Variants in RAN observed in about 807,000 individuals in gnomAD.
The protein encoded by RAN is RAN, member RAS oncogene family.
In RAN, 2 loss-of-function variants were observed where a neutral mutation model predicts 26.8. That is an observed-to-expected ratio of 0.07 (90% CI 0.03 to 0.23). The LOEUF is 0.23. Among genes scored for constraint, RAN ranks in the 10% least tolerant of loss-of-function variants. The probability of loss-of-function intolerance (pLI) is 1.00; values close to 1 mark genes in which losing one functional copy is unlikely to be tolerated. For missense variants in RAN, 56 were observed against 264.8 expected, an observed-to-expected ratio of 0.21 and a Z score of 5.47; for synonymous variants, 132 against 95.9, an observed-to-expected ratio of 1.38 and a Z score of -2.20.
In RAN at chr12:130,875,802, G is replaced by C. The variant is rs1256614132; in HGVS notation, c.606+20G>C. On this transcript the variant is annotated intron_variant, in intron 6 of 6. Coordinates refer to ENST00000543796, the MANE Select transcript of RAN (RefSeq NM_006325.5). ...TTAGAGGTATTGTGGCCACTTTGCT[G>C]TTCAGATTGTTCGGTTTGGCTTGTT... 1 of 1,613,970 alleles carries C rather than the reference G, an allele frequency of 6.2e-7. No homozygotes were observed. Among genetic ancestry groups the C allele is most frequent in the Admixed American group, 1.7e-5 (1 of 60,012 alleles).
At chr12:130,873,858 A>G (rs1427997823) in intron 4 of RAN, 1 of 175,866 alleles carries the variant, frequency 5.7e-6, no homozygotes, top group African/African-American at 2.4e-5. Flanking sequence ...TATAGGCTTT[A>G]TCTGGGTTAT....
chr12:130,874,772 C>A (rs376857929), intron 5 of RAN, 39 bp downstream of exon 5: 2 of 1,518,454 alleles, frequency 1.3e-6, no homozygotes, highest in South Asian at 2.3e-5. Context: ...TTTCTCTTAG[C>A]GGAGATTATA....
Position 130,875,689 on chromosome 12 carries a change from C to T in RAN, c.513C>T (p.Asp171=), listed in dbSNP as rs759829644. The T allele has an allele frequency of 1.9e-6, 3 of 1,613,814 alleles. No individual in the cohort carries two copies. Among genetic ancestry groups the T allele is most frequent in the East Asian group, 2.2e-5 (1 of 44,902 alleles). Residue 171 remains aspartate (D), a synonymous_variant, in exon 6 of 7, where the codon GAC becomes GAT. Coordinates refer to ENST00000543796, the MANE Select transcript of RAN (RefSeq NM_006325.5). The stretch of plus-strand genomic sequence containing the variant: ...GGCTTGCTAGGAAGCTCATTGGAGA[C>T]CCTAACTTGGAATTTGTTGCCATGC... ...FLWLARKLIG[D]PNLEFVAMPA...
At chr12:130,874,840 C>A in intron 5 of RAN, 107 bp downstream of exon 5, 1 of 993,878 alleles carries the variant, frequency 1.0e-6, no homozygotes, top group Non-Finnish European at 1.4e-6. Context: ...TTTTTTTCCC[C>A]AAGACGGAGT....
chr12:130,872,488 G>C, intron 1 of RAN, 96 bp from the exon 2 acceptor site: 1 of 934,618 alleles, frequency 1.1e-6, no homozygotes, highest in Non-Finnish European at 1.4e-6. Context: ...GGAGGCCTTT[G>C]TGGGGCGGGC....
In RAN at chr12:130,877,348, T is replaced by A. The variant is rs1478667997; in HGVS notation, c.*1422T>A. On this transcript the variant is annotated 3_prime_UTR_variant, in exon 7 of 7. Coordinates refer to ENST00000543796, the MANE Select transcript of RAN (RefSeq NM_006325.5). ...CTGAATAAAGTTCTACTTACTGTAT[T>A]AACTGGCAACAGTTGAGTTTCTTAA... The A allele has an allele frequency of 6.6e-6, 1 of 152,258 alleles. No individual in the cohort carries two copies. The highest frequency in any genetic ancestry group is 1.5e-5 in the Non-Finnish European group (1 of 68,046). 9.4% of individuals were successfully genotyped at this position (152,258 alleles called of 1,614,324 possible). A position where few individuals can be genotyped will look rare whatever the true frequency, so the allele number is the denominator to read the frequency against.
chr12:130,873,061 G>A lies in RAN; in HGVS notation c.180G>A (p.Lys60=), dbSNP rs150576123. 2.5e-6 allele frequency: 4 copies of A among 1,614,098 alleles called. No individual in the cohort carries two copies. The African/African-American group carries it at 5.3e-5, about 22-fold the overall frequency. ...LVFHTNRGPI[K]FNVWDTAGQE... Reference sequence around the variant, plus strand: ...TCCACACCAACAGAGGACCTATTAAGTTCAATGTATGGGACACAGCCGGCC... The same window carrying A: ...TCCACACCAACAGAGGACCTATTAAATTCAATGTATGGGACACAGCCGGCC... The change falls in exon 4 of 7, where the codon AAG becomes AAA. Residue 60 remains lysine, a synonymous_variant. Transcript: ENST00000543796.
chr12:130,875,468 C>T, intron 5 of RAN, 144 bp from the exon 6 acceptor site: 1 of 747,646 alleles, frequency 1.3e-6, no homozygotes, highest in Non-Finnish European at 2.1e-6. Flanking sequence ...AATCCCACCT[C>T]AGCCCCCGAA....
Position 130,876,333 on chromosome 12 carries a change from A to G in RAN, c.*407A>G, listed in dbSNP as rs967262760. ...AATAGCATTTGGAAACCACTAAAGT[A>G]GGGAAGTTTTATGCCATGTTAATAT... On this transcript the variant is annotated 3_prime_UTR_variant, in exon 7 of 7. Transcript: ENST00000543796. The G allele has an allele frequency of 8.6e-5, 15 of 174,240 alleles. No homozygotes were observed. Among genetic ancestry groups the G allele is most frequent in the African/African-American group, 4.8e-5 (2 of 42,014 alleles). The allele number at this position is 174,240 out of a possible 1,614,324, so 10.8% of individuals were successfully genotyped here. A position where few individuals can be genotyped will look rare whatever the true frequency, so the allele number is the denominator to read the frequency against.
intron 5 of RAN, among the ~76,000 whole-genome samples, chr12:130,875,205 G>T (rs1953216499): frequency 6.6e-6 from 1 of 152,134 alleles, no homozygotes; most frequent in South Asian, 2.1e-4. Flanking sequence ...CGGTTGGTCA[G>T]CTGAAATGTT....
chr12:130,873,880 A>ATT, intron 4 of RAN: 1 of 175,308 alleles, frequency 5.7e-6, no homozygotes, highest in South Asian at 9.1e-5. Flanking sequence ...TATTTATTTA[A>ATT]TTTTTTTTTG....
chr12:130,873,170 G>C, intron 4 of RAN, 42 bp downstream of exon 4: 1 of 1,612,568 alleles, frequency 6.2e-7, no homozygotes, highest in Non-Finnish European at 8.5e-7. Flanking sequence ...GAGAGGTTTT[G>C]TGTACTTCAG....
chr12:130,873,934 G>A lies in RAN; in HGVS notation c.248-612G>A, dbSNP rs180976758. 2.8e-3 allele frequency: 661 copies of A among 232,256 alleles called. 4 individuals carry two copies. The highest frequency in any genetic ancestry group is 2.5e-3 in the Non-Finnish European group (277 of 109,364). The allele number at this position is 232,256 out of a possible 1,614,324, so 14.4% of individuals were successfully genotyped here. ...TTGCCCAACCTGGAGTGCAGCTTCC[G>A]CCTCCTAAGCTCAAGCCATCCTCTT... On this transcript the variant is annotated intron_variant, in intron 4 of 6. Coordinates refer to ENST00000543796, the MANE Select transcript of RAN (RefSeq NM_006325.5).
Position 130,872,892 on chromosome 12 carries a change from G to A in RAN, c.93G>A (p.Leu31=). 6.2e-7 allele frequency: 1 copy of A among 1,614,216 alleles called. No homozygotes were observed. The highest frequency in any genetic ancestry group is 8.5e-7 in the Non-Finnish European group (1 of 1,180,042). ...AAACGACCTTCGTGAAACGTCATTT[G>A]ACTGGTGAATTTGAGAAGAAGTATG... ...TGKTTFVKRH[L]TGEFEKKYVA... Residue 31 remains leucine, a synonymous_variant, in exon 3 of 7, where the codon TTG becomes TTA. Transcript: ENST00000543796.
Position 130,874,613 on chromosome 12 carries a change from T to C in RAN, c.315T>C (p.His105=). 1 of 1,606,544 alleles carries C rather than the reference T, an allele frequency of 6.2e-7. No individual in the cohort carries two copies. Among genetic ancestry groups the C allele is most frequent in the Non-Finnish European group, 8.5e-7 (1 of 1,173,478 alleles). The part of the protein sequence containing the change: ...RVTYKNVPNW[H]RDLVRVCENI... The stretch of plus-strand genomic sequence containing the variant: ...CTTACAAGAATGTGCCTAACTGGCA[T>C]AGAGATCTGGTACGAGTGTGTGAAA... Residue 105 remains histidine (H), a synonymous_variant, in exon 5 of 7, where the codon CAT becomes CAC. Transcript: ENST00000543796.
rs1308538808 is a variant in RAN at position 130,872,097 on chromosome 12, G to A, written c.-40G>A. 3.1e-6 allele frequency: 1 copy of A among 320,370 alleles called. No homozygotes were observed. Among genetic ancestry groups the A allele is most frequent in the Non-Finnish European group, 6.7e-6 (1 of 150,366 alleles). 19.8% of individuals were successfully genotyped at this position (320,370 alleles called of 1,614,324 possible). A position where few individuals can be genotyped will look rare whatever the true frequency, so the allele number is the denominator to read the frequency against. ...CGCTTCCGCCATCTTTCCAGCCTCAGTCGGACGGGCGCGGAGACGCTTCTG... is the reference window on the plus strand; with the variant it reads ...CGCTTCCGCCATCTTTCCAGCCTCAATCGGACGGGCGCGGAGACGCTTCTG... On this transcript the variant is annotated 5_prime_UTR_variant, in exon 1 of 7. Coordinates refer to ENST00000543796, the MANE Select transcript of RAN (RefSeq NM_006325.5).
At chr12:130,875,470 G>A in intron 5 of RAN, 142 bp from the exon 6 acceptor site, 1 of 754,438 alleles carries the variant, frequency 1.3e-6, no homozygotes, top group Non-Finnish European at 2.1e-6. Context: ...TCCCACCTCA[G>A]CCCCCGAAAG....
At chr12:130,874,882 T>TC in intron 5 of RAN, 149 bp downstream of exon 5, 1 of 721,122 alleles carries the variant, frequency 1.4e-6, no homozygotes, top group South Asian at 2.3e-5. Flanking sequence ...GAGTGCAGTG[T>TC]CGCAATCTTG....
At chr12:130,872,665 C>T (rs780728153) in intron 2 of RAN, 36 bp downstream of exon 2, 1 of 1,522,708 alleles carries the variant, frequency 6.6e-7, no homozygotes. Context: ...CGGCCGAGCC[C>T]GACCGCGTGC....
Sources: allele counts gnomAD v4.1 joint callset (sites outside exome capture counted in the v4.1 genomes callset), GRCh38; gene constraint gnomAD v4.1.1; transcripts MANE v1.5; gene names NCBI Gene and HGNC (gene_info 2026-07-23, HGNC 2026-07-21).